Variants in PCYT1B observed in about 807,000 individuals in gnomAD.
PCYT1B encodes choline-phosphate cytidylyltransferase B.
In PCYT1B, 10 loss-of-function variants were observed where a neutral mutation model predicts 26.4. That is an observed-to-expected ratio of 0.38 (90% CI 0.23 to 0.64). The LOEUF (loss-of-function observed/expected upper bound fraction) is 0.64, where lower values mean the gene tolerates loss of function less well. Among genes scored for constraint, PCYT1B ranks in the 30% least tolerant of loss-of-function variants. PCYT1B has a pLI of 0.56. For missense variants in PCYT1B, 161 were observed against 292.7 expected (o/e 0.55, Z 3.28); for synonymous variants, 131 against 108.4 (o/e 1.21, Z -1.29).
chrX:24,582,213 C>T (rs1475934699), intron 5 of PCYT1B, among the ~76,000 whole-genome samples: 1 of 112,447 alleles, frequency 8.9e-6, no homozygotes, highest in Non-Finnish European at 1.9e-5. Context: ...ATTTTACCCA[C>T]ACCCCTCCTG....
intron 1 of PCYT1B, among the ~76,000 whole-genome samples, chrX:24,637,491 A>AAATATATGTATATATATATATAT: frequency 1.9e-5 from 1 of 52,894 alleles, no homozygotes; most frequent in African/African-American, 1.5e-4. Flanking sequence ...AAAAAAAAAA[A>AAATATATGTATATATATATATAT]ATATATATAT....
chrX:24,669,501 GAAAAAAAAAA>G (rs60562762), intron 1 of PCYT1B, among the ~76,000 whole-genome samples: 1 of 31,550 alleles, frequency 3.2e-5, no homozygotes, highest in Non-Finnish European at 5.1e-5. Flanking sequence ...CTTCGTCTCA[GAAAAAAAAAA>G]AAAAAAAAAA....
At chrX:24,618,240 T>A (rs779705811) in intron 2 of PCYT1B, among the ~76,000 whole-genome samples, 18 of 112,510 alleles carry the variant, frequency 1.6e-4, no homozygotes, top group East Asian at 1.1e-3. Flanking sequence ...AAACTTTTTT[T>A]AAAAAATGCA....
Position 24,562,115 on chromosome X carries a change from C to G in PCYT1B, c.*178G>C, listed in dbSNP as rs765355351. 3 of 1,211,074 alleles carry G rather than the reference C, an allele frequency of 2.5e-6. No individual in the cohort carries two copies. In the South Asian group the frequency reaches 5.3e-5, roughly 21 times the overall value. ...AGTCTCTGCACCTCGCCCAACTCTT[C>G]AGCTGTACGGAGAGTGAGAGAGAAC... On this transcript the variant is annotated 3_prime_UTR_variant, in exon 8 of 8. Transcript: ENST00000379144.
intron 1 of PCYT1B, among the ~76,000 whole-genome samples, chrX:24,669,546 G>T (rs1927196202): frequency 9.6e-6 from 1 of 104,185 alleles, no homozygotes; most frequent in Non-Finnish European, 1.9e-5. Context: ...TGTGACTGAG[G>T]AACTGAATTT....
At chrX:24,664,700 G>A (rs915058923) in intron 1 of PCYT1B, among the ~76,000 whole-genome samples, 1 of 112,394 alleles carries the variant, frequency 8.9e-6, no homozygotes, top group Non-Finnish European at 1.9e-5. Flanking sequence ...GCTCACGCCT[G>A]TAATCCCAGC....
At chrX:24,601,111 G>A (rs768834971) in intron 3 of PCYT1B, among the ~76,000 whole-genome samples, 98 of 112,085 alleles carry the variant, frequency 8.7e-4, no homozygotes, top group Non-Finnish European at 1.7e-3. Flanking sequence ...GGCATGAACC[G>A]TGACAGAAAC....
At chrX:24,608,343 G>A (rs764985993) in intron 2 of PCYT1B, among the ~76,000 whole-genome samples, 4 of 111,801 alleles carry the variant, frequency 3.6e-5, no homozygotes, top group African/African-American at 1.3e-4. Flanking sequence ...TCCAGGTCAC[G>A]TTGGTAGCCT....
intron 5 of PCYT1B, among the ~76,000 whole-genome samples, chrX:24,580,848 T>C (rs1924185345): frequency 9.0e-6 from 1 of 111,363 alleles, no homozygotes; most frequent in Non-Finnish European, 1.9e-5. Flanking sequence ...TTTGTAGACG[T>C]GGGCAAGTCA....
chrX:24,627,280 G>T (rs909135291), intron 1 of PCYT1B, among the ~76,000 whole-genome samples: 2 of 112,076 alleles, frequency 1.8e-5, no homozygotes, highest in African/African-American at 6.5e-5. Context: ...GAGCTTTTTA[G>T]GACACTGTAA....
chrX:24,579,277 G>T (rs1287941117), intron 6 of PCYT1B, 39 bp downstream of exon 6: 1 of 1,190,208 alleles, frequency 8.4e-7, no homozygotes, highest in East Asian at 3.0e-5. Context: ...TGGTGGTGTG[G>T]CATGGTGGTC....
At chrX:24,672,670 T>G (rs2148285144) in exon 1 of PCYT1B, 4,051 of 818,916 alleles carry the variant, frequency 4.9e-3, no homozygotes, top group Non-Finnish European at 6.6e-3. Context: ...TAGAGGCCTC[T>G]ACCCTTTGGA....
chrX:24,588,229 C>T (rs182244778), intron 4 of PCYT1B, among the ~76,000 whole-genome samples: 16 of 111,259 alleles, frequency 1.4e-4, no homozygotes, highest in African/African-American at 5.2e-4. Flanking sequence ...TCCATTGCAA[C>T]TACACCAAAT....
intron 7 of PCYT1B, among the ~76,000 whole-genome samples, chrX:24,567,177 T>G (rs1445471936): frequency 8.9e-6 from 1 of 112,700 alleles, no homozygotes; most frequent in Admixed American, 9.4e-5. Flanking sequence ...GGATTTCCAT[T>G]AGAAGTTCAC....
At chrX:24,599,575 C>T (rs936894962) in intron 3 of PCYT1B, among the ~76,000 whole-genome samples, 1 of 111,545 alleles carries the variant, frequency 9.0e-6, no homozygotes, top group Non-Finnish European at 1.9e-5. Context: ...TCTATGTTAA[C>T]AATTATTTAT....
At chrX:24,634,078 T>A (rs1926195474) in intron 1 of PCYT1B, among the ~76,000 whole-genome samples, 1 of 110,060 alleles carries the variant, frequency 9.1e-6, no homozygotes, top group Non-Finnish European at 1.9e-5. Flanking sequence ...ACCATGCTCA[T>A]CTAATTAAAA....
chrX:24,651,283 C>T (rs1426714367), upstream of PCYT1B, among the ~76,000 whole-genome samples: 3 of 105,155 alleles, frequency 2.9e-5, no homozygotes, highest in African/African-American at 6.9e-5. Context: ...AGTGAAACCC[C>T]GTCTATTTTA....
At chrX:24,644,958 G>A (rs927527576) in intron 1 of PCYT1B, among the ~76,000 whole-genome samples, 5 of 111,702 alleles carry the variant, frequency 4.5e-5, no homozygotes, top group Non-Finnish European at 7.5e-5. Context: ...CAGCTACTCA[G>A]GAGGCTGAGG....
At chrX:24,666,916 G>C (rs946430469) in intron 1 of PCYT1B, among the ~76,000 whole-genome samples, 1 of 109,864 alleles carries the variant, frequency 9.1e-6, no homozygotes, top group Non-Finnish European at 1.9e-5. Context: ...GGGAAGACTG[G>C]GGAAGCCCCA....
Sources: gnomAD v4.1 joint callset for allele counts (sites outside exome capture counted in the v4.1 genomes callset) on GRCh38, gnomAD v4.1.1 for gene constraint, MANE v1.5 for transcripts, NCBI Gene and HGNC (gene_info 2026-07-23, HGNC 2026-07-21) for gene names.